Variants in EPHA6 observed in about 807,000 individuals in gnomAD.
EPHA6 encodes ephrin type-A receptor 6.
A neutral mutation model predicts 112.0 loss-of-function variants in EPHA6; 50 were observed. The ratio of observed to expected loss-of-function variants is 0.45; its 90% CI spans 0.36 to 0.56. EPHA6 has a LOEUF of 0.56. Ranked by LOEUF, EPHA6 falls within the 20% of genes least tolerant of loss-of-function variation. EPHA6 has a pLI of 0.00. For synonymous variants in EPHA6, 529 were observed against 490.7 expected, an observed-to-expected ratio of 1.08 and a Z score of -1.03; for missense variants, 1,280 against 1,417.4, an observed-to-expected ratio of 0.90 and a Z score of 1.56.
chr3:97,694,010 T>C (rs547965523), intron 14 of EPHA6, among the ~76,000 whole-genome samples: 2 of 152,210 alleles, frequency 1.3e-5, no homozygotes, highest in African/African-American at 4.8e-5. Context: ...AAGAACTCCT[T>C]TGTATCCAGC....
intron 3 of EPHA6, among the ~76,000 whole-genome samples, chr3:97,014,078 G>A (rs1461269414): frequency 2.0e-5 from 3 of 151,958 alleles, no homozygotes; most frequent in African/African-American, 4.8e-5. Flanking sequence ...CTTATACTGT[G>A]TACTTGATTA....
At chr3:97,416,648 AC>A (rs910494625) in intron 6 of EPHA6, among the ~76,000 whole-genome samples, 1 of 152,110 alleles carries the variant, frequency 6.6e-6, no homozygotes, top group Non-Finnish European at 1.5e-5. Flanking sequence ...CCTCTTTCCC[AC>A]ATTTAACAAA....
chr3:96,991,628 C>G (rs2043220660), intron 3 of EPHA6, among the ~76,000 whole-genome samples: 1 of 152,188 alleles, frequency 6.6e-6, no homozygotes, highest in African/African-American at 2.4e-5. Context: ...AGTCTTCTCT[C>G]TGGATTCTCC....
chr3:97,476,526 C>G (rs2107465452), intron 8 of EPHA6, among the ~76,000 whole-genome samples: 2 of 152,064 alleles, frequency 1.3e-5, no homozygotes, highest in Admixed American at 1.3e-4. Flanking sequence ...GCTTAGGGAC[C>G]AACATTTTAT....
At chr3:97,461,751 T>C (rs1407589114) in intron 7 of EPHA6, among the ~76,000 whole-genome samples, 3 of 152,176 alleles carry the variant, frequency 2.0e-5, no homozygotes, top group Non-Finnish European at 4.4e-5. Flanking sequence ...TTAATTTATA[T>C]AGGTGACATA....
chr3:97,003,602 T>C (rs1243504949), intron 3 of EPHA6, among the ~76,000 whole-genome samples: 3 of 152,168 alleles, frequency 2.0e-5, no homozygotes, highest in African/African-American at 7.2e-5. Flanking sequence ...CATGAAAATT[T>C]ATAACTGTAG....
chr3:97,420,547 A>G (rs2088533546), intron 6 of EPHA6, among the ~76,000 whole-genome samples: 1 of 152,134 alleles, frequency 6.6e-6, no homozygotes, highest in Non-Finnish European at 1.5e-5. Context: ...AATTGGAATC[A>G]GTGGATAAAA....
intron 5 of EPHA6, among the ~76,000 whole-genome samples, chr3:97,379,978 G>T (rs1386536878): frequency 1.3e-5 from 2 of 152,046 alleles, no homozygotes; most frequent in Admixed American, 6.5e-5. Context: ...AGACAAATTT[G>T]CAAAGCTCAT....
chr3:97,600,090 T>A (rs1337644285), intron 12 of EPHA6, among the ~76,000 whole-genome samples: 2 of 149,892 alleles, frequency 1.3e-5, no homozygotes, highest in Non-Finnish European at 3.0e-5. Context: ...TGTATAAGAA[T>A]GCTTGTGATT....
rs1192889015 is a variant in EPHA6 at position 97,555,321 on chromosome 3, G to C, written c.2386+22778G>C. On this transcript the variant is annotated intron_variant, in intron 11 of 17. Transcript: ENST00000389672. Reference sequence around the variant, plus strand: ...ATATGTGCCACATTTTCTTAATCCAGTCTATCATTGTTGGACATTTGGGTT... The same window carrying C: ...ATATGTGCCACATTTTCTTAATCCACTCTATCATTGTTGGACATTTGGGTT... Among the ~76,000 whole-genome samples, 8 of 152,080 alleles carry C rather than the reference G, an allele frequency of 5.3e-5. No individual in the cohort carries two copies. In the East Asian group the frequency reaches 9.7e-4, roughly 18 times the overall value.
intron 5 of EPHA6, among the ~76,000 whole-genome samples, chr3:97,298,363 C>T (rs1395778289): frequency 6.6e-6 from 1 of 152,166 alleles, no homozygotes; most frequent in African/African-American, 2.4e-5. Context: ...TTTCCCCAAG[C>T]ATATGCATGT....
chr3:96,841,139 G>T (rs768502753), intron 1 of EPHA6, among the ~76,000 whole-genome samples: 2 of 152,082 alleles, frequency 1.3e-5, no homozygotes, highest in Non-Finnish European at 2.9e-5. Context: ...GCTCAGTCCA[G>T]AAAGGTGGAA....
intron 3 of EPHA6, among the ~76,000 whole-genome samples, chr3:97,056,519 A>C (rs2045858336): frequency 1.3e-5 from 2 of 152,100 alleles, no homozygotes; most frequent in South Asian, 4.1e-4. Context: ...TTGCACTCAC[A>C]AGTCACATTA....
chr3:97,518,746 A>G (rs2092488992), intron 10 of EPHA6, among the ~76,000 whole-genome samples: 1 of 151,900 alleles, frequency 6.6e-6, no homozygotes, highest in African/African-American at 2.4e-5. Context: ...ACATTGAGCA[A>G]TTTTTCTGAT....
intron 6 of EPHA6, among the ~76,000 whole-genome samples, chr3:97,444,016 C>T (rs2090233942): frequency 6.6e-6 from 1 of 152,022 alleles, no homozygotes; most frequent in South Asian, 2.1e-4. Flanking sequence ...TCTTTCTGGA[C>T]TAATTTGATC....
At position 97,449,683 on chromosome 3, in the gene EPHA6, A is replaced by G. The variant is rs2090462666; in HGVS notation, c.1894+953A>G. ...CTAAAGGAGTTGAACAATTTGCCCA[A>G]ATTTAAGCAACTAGTAAGAAGCTAA... On this transcript the variant is annotated intron_variant, in intron 7 of 17. Transcript: ENST00000389672. Among the ~76,000 whole-genome samples the G allele has an allele frequency of 2.6e-5, 4 of 152,250 alleles. No individual in the cohort carries two copies. The South Asian group carries it at 8.3e-4, about 32-fold the overall frequency.
chr3:96,887,142 G>C (rs1017432168), intron 2 of EPHA6, among the ~76,000 whole-genome samples: 2 of 147,912 alleles, frequency 1.4e-5, no homozygotes, highest in Non-Finnish European at 2.9e-5. Flanking sequence ...TGATTTGGTT[G>C]GGGGGGCGAG....
chr3:97,138,267 C>T (rs1375764819), intron 3 of EPHA6, among the ~76,000 whole-genome samples: 1 of 152,170 alleles, frequency 6.6e-6, no homozygotes, highest in African/African-American at 2.4e-5. Flanking sequence ...ACACGGACCC[C>T]GCTGAGCAAC....
At chr3:97,543,931 A>G (rs1312886287) in intron 11 of EPHA6, among the ~76,000 whole-genome samples, 2 of 152,128 alleles carry the variant, frequency 1.3e-5, no homozygotes, top group African/African-American at 2.4e-5. Context: ...TGATTTTTGT[A>G]CATTGATTTT....
Sources: allele counts gnomAD v4.1 joint callset (sites outside exome capture counted in the v4.1 genomes callset), GRCh38; gene constraint gnomAD v4.1.1; transcripts MANE v1.5; gene names NCBI Gene and HGNC (gene_info 2026-07-23, HGNC 2026-07-21).